The following ZNF726 variants were observed in gnomAD, a reference collection of about 807,000 sequenced individuals.
The protein encoded by ZNF726 is zinc finger protein 726.
In ZNF726, 15 loss-of-function variants were observed where a neutral mutation model predicts 11.6. The observed-to-expected ratio is 1.29, with a 90% CI of 0.86 to 1.99. ZNF726 has a LOEUF of 1.99. ZNF726 is among the 30% of genes most tolerant of loss of function. The pLI is 0.00. For synonymous variants in ZNF726, 295 were observed against 243.6 expected (o/e 1.21, Z -1.96); for missense variants, 890 against 725.6 (o/e 1.23, Z -2.60).
chr19:23,935,136 A>G (rs1196949382), downstream of ZNF726: 2 of 371,972 alleles, frequency 5.4e-6, no homozygotes, highest in African/African-American at 4.2e-5. Flanking sequence ...CTGTAACCCC[A>G]CGCAAATCTC....
intron 1 of ZNF726, among the ~76,000 whole-genome samples, chr19:23,916,433 A>G (rs1388715326): frequency 6.6e-6 from 1 of 152,030 alleles, no homozygotes; most frequent in Non-Finnish European, 1.5e-5. Context: ...CCTGGGCTCA[A>G]ACGGTTCTCA....
rs529143735 is a variant in ZNF726, at chr19:23,932,603, TATAAG to T, written c.494_498del (p.Ile165ThrfsTer3). The stretch of plus-strand genomic sequence containing the variant: ...TTATAAATTTATAAATTTAAACAGA[TATAAG>T]ATAAGACATACTAGAAAGAAACCTT... On this transcript the variant is annotated frameshift_variant, in exon 4 of 4. Transcript: ENST00000594466. LOFTEE classifies it low-confidence loss of function (END_TRUNC). The T allele has an allele frequency of 3.9e-4, 599 of 1,544,024 alleles. 1 individual carries two copies. The highest frequency in any genetic ancestry group is 3.7e-3 in the African/African-American group (263 of 71,472).
chr19:23,923,663 G>T, intron 3 of ZNF726: 1 of 167,614 alleles, frequency 6.0e-6, no homozygotes, highest in Non-Finnish European at 1.3e-5. Flanking sequence ...CTCCCAAAGT[G>T]CTGGGATTAC....
At chr19:23,943,157 A>T (rs754546538) in intron 3 of ZNF726, among the ~76,000 whole-genome samples, 1 of 152,148 alleles carries the variant, frequency 6.6e-6, no homozygotes, top group African/African-American at 2.4e-5. Flanking sequence ...AGTAGCTAGG[A>T]CTACAAATGT....
intron 3 of ZNF726, among the ~76,000 whole-genome samples, chr19:23,921,730 T>G (rs1262618431): frequency 2.6e-5 from 4 of 152,192 alleles, no homozygotes; most frequent in Admixed American, 2.6e-4. Context: ...AATTTCATAT[T>G]TTGCTAATCA....
At chr19:23,924,323 G>A (rs1967931172) in intron 3 of ZNF726, among the ~76,000 whole-genome samples, 1 of 151,920 alleles carries the variant, frequency 6.6e-6, no homozygotes, top group Non-Finnish European at 1.5e-5. Flanking sequence ...GAAAGTGCTG[G>A]GATTACAGGC....
downstream of ZNF726, among the ~76,000 whole-genome samples, chr19:23,938,596 T>A: frequency 6.6e-6 from 1 of 150,526 alleles, no homozygotes; most frequent in South Asian, 2.1e-4. Context: ...ATAGTTTTTT[T>A]TTCTTTTTTT....
chr19:23,941,153 C>G (rs1186559161), intron 3 of ZNF726, among the ~76,000 whole-genome samples: 3 of 152,028 alleles, frequency 2.0e-5, no homozygotes, highest in Non-Finnish European at 4.4e-5. Flanking sequence ...GTTGTGACCC[C>G]TGTATGCCAA....
rs1397904204 is a variant in ZNF726, at chr19:23,920,048, TATGAAGCGAG to T, written c.197_206del (p.Lys66ArgfsTer30). 1.3e-6 allele frequency: 2 copies of T among 1,589,708 alleles called. No homozygotes were observed. The highest frequency in any genetic ancestry group is 1.7e-6 in the Non-Finnish European group (2 of 1,165,826). On this transcript the variant is annotated frameshift_variant, in exon 3 of 4. Transcript: ENST00000594466. LOFTEE classifies it low-confidence loss of function (END_TRUNC). ...TGGAGAAAGAAAAAGAGCCCTGGAA[TATGAAGCGAG>T]ATGAGATGGTGGATGAACCCCCAGG...
At position 23,933,917 on chromosome 19, in the gene ZNF726, T is replaced by A; in HGVS notation, c.1801T>A (p.Ser601Thr). 1 of 1,584,714 alleles carries A rather than the reference T, an allele frequency of 6.3e-7. No homozygotes were observed. Among genetic ancestry groups the A allele is most frequent in the Non-Finnish European group, 8.6e-7 (1 of 1,165,704 alleles). ...KPYKCDECGK[S>T]FIWSSTLFKH... ...TTACAAGTGTGACGAATGTGGCAAA[T>A]CATTTATCTGGTCCTCAACCCTTTT... is the stretch of plus-strand genomic sequence containing the variant. The change falls in exon 4 of 4, where the codon TCA becomes ACA. Residue 601 changes from serine (S) to threonine (T), a missense_variant. By Grantham distance (58) the Ser-to-Thr change is moderately conservative (BLOSUM62 1). Transcript: ENST00000594466.
chr19:23,931,738 TAA>T (rs1968110325), intron 3 of ZNF726, among the ~76,000 whole-genome samples: 1 of 152,322 alleles, frequency 6.6e-6, no homozygotes, highest in East Asian at 1.9e-4. Flanking sequence ...AGTTTTTAGT[TAA>T]GAGAGTTTAT....
chr19:23,925,179 T>G (rs1967953739), intron 3 of ZNF726, among the ~76,000 whole-genome samples: 1 of 152,252 alleles, frequency 6.6e-6, no homozygotes, highest in Admixed American at 6.5e-5. Flanking sequence ...GACGATTTTT[T>G]TCAAGGCTGA....
chr19:23,938,379 AAAT>A (rs1353551343), downstream of ZNF726, among the ~76,000 whole-genome samples: 4 of 152,152 alleles, frequency 2.6e-5, no homozygotes, highest in East Asian at 7.7e-4. Flanking sequence ...TATTGGAACA[AAAT>A]AAATCATTTT....
intron 3 of ZNF726, among the ~76,000 whole-genome samples, chr19:23,942,170 A>G (rs1011730650): frequency 6.6e-6 from 1 of 152,060 alleles, no homozygotes; most frequent in Non-Finnish European, 1.5e-5. Flanking sequence ...CATTATTGTC[A>G]TTCAGTTTGA....
Position 23,925,710 on chromosome 19 carries a change from TTTC to T in ZNF726, c.226+5631_226+5633del, listed in dbSNP as rs1300792317. ...TTCAATTTGATTGTTCAGTTTTTCT[TTTC>T]TTTTTTTTTTTTTTTTTTTGGGAGA... On this transcript the variant is annotated intron_variant, in intron 3 of 3. Coordinates refer to ENST00000594466, the MANE Select transcript of ZNF726 (RefSeq NM_001244038.2). Among the ~76,000 whole-genome samples the T allele has an allele frequency of 1.1e-3, 160 of 142,960 alleles. 1 individual carries two copies. Among genetic ancestry groups the T allele is most frequent in the African/African-American group, 3.9e-3 (134 of 34,486 alleles). The allele number at this position is 142,960 out of a possible 152,430, so 93.8% of individuals were successfully genotyped here.
In ZNF726 at chr19:23,943,561, G is replaced by A. The variant is rs1178901334; in HGVS notation, c.294G>A (p.Lys98=). 4.5e-6 allele frequency: 3 copies of A among 670,436 alleles called. No individual in the cohort carries two copies. In the Admixed American group the frequency reaches 6.0e-5, roughly 13 times the overall value. 41.5% of individuals were successfully genotyped at this position (670,436 alleles called of 1,614,324 possible). ...AAATAAAAGAGCCCTGGAATGTGAA[G>A]AGACATGAGACAGTAGTCAAATACT... The change falls in exon 4 of 5, where the codon AAG becomes AAA. Residue 98 remains lysine (K), a synonymous_variant. Coordinates refer to the ZNF726 transcript ENST00000334589.
chr19:23,924,658 C>T (rs1967939754), intron 3 of ZNF726, among the ~76,000 whole-genome samples: 1 of 152,128 alleles, frequency 6.6e-6, no homozygotes, highest in Non-Finnish European at 1.5e-5. Context: ...GAGGCCGGGA[C>T]AGGAGGTTTG....
At position 23,933,914 on chromosome 19, in the gene ZNF726, A is replaced by C; in HGVS notation, c.1798A>C (p.Lys600Gln). 6.3e-7 allele frequency: 1 copy of C among 1,587,542 alleles called. No individual in the cohort carries two copies. The highest frequency in any genetic ancestry group is 8.6e-7 in the Non-Finnish European group (1 of 1,166,458). ...EKPYKCDECG[K>Q]SFIWSSTLFK... The stretch of plus-strand genomic sequence containing the variant: ...ACCTTACAAGTGTGACGAATGTGGC[A>C]AATCATTTATCTGGTCCTCAACCCT... The change falls in exon 4 of 4, where the codon AAA (lysine) becomes CAA (glutamine). Residue 600 changes from lysine to glutamine, a missense_variant. Transcript: ENST00000594466.
At position 23,919,970 on chromosome 19, in the gene ZNF726, T is replaced by A; in HGVS notation, c.131-17T>A. On this transcript the variant is annotated splice_polypyrimidine_tract_variant and intron_variant, in intron 2 of 3. Transcript: ENST00000594466. ...GAATATGAGCAAGATTCATGTTAATTATTTTTAATAAAACAGGTATTGCTG... is the reference window on the plus strand; with the variant it reads ...GAATATGAGCAAGATTCATGTTAATAATTTTTAATAAAACAGGTATTGCTG... The A allele has an allele frequency of 6.5e-7, 1 of 1,532,682 alleles. No homozygotes were observed. Among genetic ancestry groups the A allele is most frequent in the South Asian group, 1.1e-5 (1 of 88,440 alleles). 94.9% of individuals were successfully genotyped at this position (1,532,682 alleles called of 1,614,324 possible).
Sources: gnomAD v4.1 joint callset for allele counts (sites outside exome capture counted in the v4.1 genomes callset) on GRCh38, gnomAD v4.1.1 for gene constraint, MANE v1.5 for transcripts, NCBI Gene and HGNC (gene_info 2026-07-23, HGNC 2026-07-21) for gene names.